The following GFOD1 variants were observed in gnomAD, a reference collection of about 807,000 sequenced individuals.
The protein encoded by GFOD1 is Gfo/Idh/MocA-like oxidoreductase domain containing 1, also known as glucose-fructose oxidoreductase domain-containing protein 1.
In GFOD1, 9 loss-of-function variants were observed where a neutral mutation model predicts 25.4. That is an observed-to-expected ratio of 0.35 (90% confidence interval 0.21 to 0.62). The LOEUF is 0.62. Among genes scored for constraint, GFOD1 ranks in the 20% least tolerant of loss-of-function variants. The pLI, the probability that GFOD1 is intolerant of heterozygous loss-of-function variation, is 0.72. For synonymous variants in GFOD1, 253 were observed against 245.6 expected (o/e 1.03, Z -0.28); for missense variants, 403 against 556.9 (o/e 0.72, Z 2.78).
At chr6:13,461,761 C>T (rs1274808092) in intron 1 of GFOD1, among the ~76,000 whole-genome samples, 1 of 152,208 alleles carries the variant, frequency 6.6e-6, no homozygotes, top group Non-Finnish European at 1.5e-5. Flanking sequence ...CATCCCACCT[C>T]ACCCCAGGCT....
chr6:13,429,695 G>A (rs932422635), intron 1 of GFOD1, among the ~76,000 whole-genome samples: 4 of 152,208 alleles, frequency 2.6e-5, no homozygotes, highest in Non-Finnish European at 5.9e-5. Flanking sequence ...AATCAACTGA[G>A]TGGGTTGGCA....
At chr6:13,481,643 A>G (rs921211614) in intron 1 of GFOD1, among the ~76,000 whole-genome samples, 2 of 152,252 alleles carry the variant, frequency 1.3e-5, no homozygotes, top group African/African-American at 4.8e-5. Context: ...AGTAGACTGC[A>G]TAAGAAACAA....
intron 1 of GFOD1, among the ~76,000 whole-genome samples, chr6:13,428,065 C>A (rs1757674869): frequency 6.6e-6 from 1 of 152,190 alleles, no homozygotes; most frequent in Non-Finnish European, 1.5e-5. Context: ...TCAACACAAG[C>A]TGGGTTCAAA....
intron 1 of GFOD1, among the ~76,000 whole-genome samples, chr6:13,386,192 A>T (rs1255425709): frequency 1.8e-5 from 2 of 111,530 alleles, no homozygotes; most frequent in Admixed American, 2.1e-4. Context: ...TTCCCAAATT[A>T]CTTTATTTTT....
chr6:13,447,805 A>G (rs1256436770), intron 1 of GFOD1, among the ~76,000 whole-genome samples: 2 of 151,390 alleles, frequency 1.3e-5, no homozygotes, highest in Non-Finnish European at 2.9e-5. Context: ...CATTAGGGAA[A>G]AGGCATCAAT....
chr6:13,438,061 G>A (rs1181378538), intron 1 of GFOD1, among the ~76,000 whole-genome samples: 1 of 152,202 alleles, frequency 6.6e-6, no homozygotes, highest in African/African-American at 2.4e-5. Flanking sequence ...TTTAGTGGAT[G>A]AGGCATATAA....
At chr6:13,420,319 A>G (rs913697528) in intron 1 of GFOD1, among the ~76,000 whole-genome samples, 1 of 152,218 alleles carries the variant, frequency 6.6e-6, no homozygotes, top group Non-Finnish European at 1.5e-5. Flanking sequence ...GAGGCCTGGC[A>G]GGGGTCTGAG....
intron 1 of GFOD1, among the ~76,000 whole-genome samples, chr6:13,386,417 G>A (rs932995853): frequency 6.6e-6 from 1 of 152,198 alleles, no homozygotes; most frequent in Non-Finnish European, 1.5e-5. Flanking sequence ...GACTGTGAAG[G>A]AATCTCGCGT....
chr6:13,386,739 C>T (rs1389682268), intron 1 of GFOD1, among the ~76,000 whole-genome samples: 2 of 152,080 alleles, frequency 1.3e-5, no homozygotes, highest in Non-Finnish European at 2.9e-5. Context: ...CCCCTGGTCT[C>T]GTGTCCCAGT....
At chr6:13,371,647 T>C (rs150811033) in intron 1 of GFOD1, among the ~76,000 whole-genome samples, 2 of 152,322 alleles carry the variant, frequency 1.3e-5, no homozygotes, top group African/African-American at 4.8e-5. Context: ...TGAGAAAGTA[T>C]GTTTTGTGTT....
At chr6:13,476,073 G>A (rs955837737) in intron 1 of GFOD1, among the ~76,000 whole-genome samples, 1 of 152,180 alleles carries the variant, frequency 6.6e-6, no homozygotes, top group African/African-American at 2.4e-5. Flanking sequence ...CTATACAACT[G>A]AGCAATTTCA....
chr6:13,438,377 C>G (rs535383564), intron 1 of GFOD1, among the ~76,000 whole-genome samples: 1 of 152,302 alleles, frequency 6.6e-6, no homozygotes, highest in African/African-American at 2.4e-5. Flanking sequence ...TGCAATTACC[C>G]TCTTTACAAA....
intron 1 of GFOD1, among the ~76,000 whole-genome samples, chr6:13,423,703 G>A (rs1262977535): frequency 6.6e-6 from 1 of 152,170 alleles, no homozygotes; most frequent in Admixed American, 6.5e-5. Context: ...ACTTTGATAT[G>A]GAAGGCATCC....
intron 1 of GFOD1, among the ~76,000 whole-genome samples, chr6:13,425,412 C>G (rs933205565): frequency 1.1e-4 from 16 of 152,292 alleles, no homozygotes; most frequent in Admixed American, 3.3e-4. Context: ...TCCAAGCAGT[C>G]TGGCCCCAGG....
At chr6:13,469,136 T>C (rs1584669960) in intron 1 of GFOD1, 1 of 521,316 alleles carries the variant, frequency 1.9e-6, no homozygotes, top group East Asian at 1.5e-4. Flanking sequence ...AGTTGGCCTG[T>C]GTCTCCTATT....
At chr6:13,431,739 A>C (rs2127570289) in intron 1 of GFOD1, among the ~76,000 whole-genome samples, 1 of 152,334 alleles carries the variant, frequency 6.6e-6, no homozygotes, top group Non-Finnish European at 1.5e-5. Context: ...ACCTCAATAC[A>C]AACTTAAATG....
chr6:13,474,280 G>A (rs1364074398), intron 1 of GFOD1, among the ~76,000 whole-genome samples: 1 of 152,192 alleles, frequency 6.6e-6, no homozygotes, highest in Non-Finnish European at 1.5e-5. Context: ...TGGGGAGGCT[G>A]AGGCAGGAGA....
chr6:13,429,220 C>T (rs1757703733), intron 1 of GFOD1, among the ~76,000 whole-genome samples: 1 of 152,194 alleles, frequency 6.6e-6, no homozygotes, highest in Admixed American at 6.5e-5. Flanking sequence ...CATAGCACAG[C>T]TGCCAGTAAA....
At chr6:13,469,497 A>G in intron 1 of GFOD1, 8 of 991,894 alleles carry the variant, frequency 8.1e-6, no homozygotes, top group Non-Finnish European at 9.6e-6. Flanking sequence ...TAAAAATGAT[A>G]TGGCCTTTGT....
Sources: gnomAD v4.1 joint callset for allele counts (sites outside exome capture counted in the v4.1 genomes callset) on GRCh38, gnomAD v4.1.1 for gene constraint, MANE v1.5 for transcripts, NCBI Gene and HGNC (gene_info 2026-07-23, HGNC 2026-07-21) for gene names.